Variants in RBM25 observed in about 807,000 individuals in gnomAD.
The protein encoded by RBM25 is RNA binding motif protein 25, also known as RNA-binding protein 25.
A neutral mutation model predicts 120.7 loss-of-function variants in RBM25; 19 were observed. The ratio of observed to expected loss-of-function variants is 0.16; its 90% confidence interval spans 0.11 to 0.23. The LOEUF (loss-of-function observed/expected upper bound fraction) is 0.23. RBM25 is among the 10% of genes least tolerant of loss of function. RBM25 has a pLI of 1.00. For missense variants in RBM25, 605 were observed against 1,041.5 expected (o/e 0.58, Z 5.77); for synonymous variants, 390 against 326.7 (o/e 1.19, Z -2.09).
rs1330686674 is a variant in RBM25, at chr14:73,066,617, C to T, written c.-15-5010C>T. 3.5e-5 allele frequency among the ~76,000 whole-genome samples: 5 copies of T among 142,952 alleles called. No homozygotes were observed. In the Admixed American group the frequency reaches 3.7e-4, roughly 11 times the overall value. 93.8% of individuals were successfully genotyped at this position (142,952 alleles called of 152,430 possible). A position where few individuals can be genotyped will look rare whatever the true frequency, so the allele number is the denominator to read the frequency against. The stretch of plus-strand genomic sequence containing the variant: ...AGTGAGCTGAGATGGTGCCTCTGCA[C>T]TCCTGGGTGACAGAGCAAGACTCCA... On this transcript the variant is annotated intron_variant, in intron 1 of 18. Coordinates refer to ENST00000261973, the MANE Select transcript of RBM25 (RefSeq NM_021239.3).
intron 10 of RBM25, 132 bp downstream of exon 10, chr14:73,103,610 G>C: frequency 7.5e-7 from 1 of 1,334,678 alleles, no homozygotes. Flanking sequence ...CTGTCACTCA[G>C]CCTGGACTGC....
At chr14:73,108,148 C>T (rs1896228931) in intron 13 of RBM25, among the ~76,000 whole-genome samples, 1 of 152,194 alleles carries the variant, frequency 6.6e-6, no homozygotes, top group Non-Finnish European at 1.5e-5. Context: ...TCAAACAATA[C>T]TATTTTTTTC....
chr14:73,081,334 T>TA (rs1895559689), intron 4 of RBM25, among the ~76,000 whole-genome samples: 1 of 152,016 alleles, frequency 6.6e-6, no homozygotes, highest in South Asian at 2.1e-4. Context: ...GATGGGGTTT[T>TA]ACCATGTTGG....
At chr14:73,069,424 G>A (rs1490162935) in intron 1 of RBM25, among the ~76,000 whole-genome samples, 1 of 152,058 alleles carries the variant, frequency 6.6e-6, no homozygotes, top group Non-Finnish European at 1.5e-5. Flanking sequence ...AAACATGAAA[G>A]ACAAAATAGT....
At chr14:73,063,527 A>G (rs1159246901) in intron 1 of RBM25, among the ~76,000 whole-genome samples, 2 of 151,420 alleles carry the variant, frequency 1.3e-5, no homozygotes, top group African/African-American at 2.4e-5. Context: ...AAAAAATGCT[A>G]TGGAAATGAT....
At chr14:73,100,396 T>C (rs1421756385) in intron 9 of RBM25, 1 of 611,288 alleles carries the variant, frequency 1.6e-6, no homozygotes, top group Non-Finnish European at 3.0e-6. Flanking sequence ...ATTATATTTA[T>C]GGATGCCCCC....
chr14:73,089,034 C>G (rs149298659), intron 6 of RBM25, among the ~76,000 whole-genome samples: 2 of 152,114 alleles, frequency 1.3e-5, no homozygotes, highest in East Asian at 3.9e-4. Flanking sequence ...CCCAGCAACT[C>G]AGAGGCTGAG....
intron 4 of RBM25, 61 bp from the exon 5 acceptor site, chr14:73,083,433 G>A: frequency 7.6e-7 from 1 of 1,318,046 alleles, no homozygotes; most frequent in East Asian, 2.8e-5. Context: ...TTTGCTTTTA[G>A]TTACATTAAA....
chr14:73,111,386 AG>A, intron 15 of RBM25, 141 bp from the exon 16 acceptor site: 2 of 1,016,162 alleles, frequency 2.0e-6, no homozygotes, highest in South Asian at 3.4e-5. Flanking sequence ...AGCACTTGTG[AG>A]TAGTGAGTTA....
At position 73,111,024 on chromosome 14, in the gene RBM25, C is replaced by T. The variant is rs756278435; in HGVS notation, c.1886C>T (p.Ala629Val). ...AGCTCTGCTCCATCTGTTTCCTCTG[C>T]CAGTGGCAATGCAACACCTAACACT... ...PISSAPSVSS[A>V]SGNATPNTPG... is the part of the protein sequence containing the mutation. Residue 629 changes from alanine (A) to valine (V), a missense_variant, in exon 15 of 19, where the codon GCC (alanine) becomes GTC (valine). By Grantham distance (64) the Ala-to-Val change is moderately conservative. Coordinates refer to ENST00000261973, the MANE Select transcript of RBM25 (RefSeq NM_021239.3). 5 of 1,614,070 alleles carry T rather than the reference C, an allele frequency of 3.1e-6. No individual in the cohort carries two copies. The African/African-American group carries it at 6.7e-5, about 22-fold the overall frequency.
chr14:73,113,695 A>G (rs1445589766), intron 17 of RBM25, among the ~76,000 whole-genome samples: 3 of 152,058 alleles, frequency 2.0e-5, no homozygotes, highest in Non-Finnish European at 4.4e-5. Flanking sequence ...TCTGTCTCAA[A>G]ATAAAAAAAA....
chr14:73,084,345 A>G (rs553487975), intron 5 of RBM25, among the ~76,000 whole-genome samples: 18 of 152,218 alleles, frequency 1.2e-4, no homozygotes, highest in African/African-American at 4.1e-4. Flanking sequence ...CCAGACTCTT[A>G]ATATTTTAAG....
intron 6 of RBM25, among the ~76,000 whole-genome samples, chr14:73,090,864 A>AAG (rs1895798688): frequency 6.6e-6 from 1 of 152,220 alleles, no homozygotes; most frequent in Non-Finnish European, 1.5e-5. Context: ...CAGTCTTACT[A>AAG]TCCTCACCCT....
rs1316861210 is a variant in RBM25, at chr14:73,087,936, T to G, written c.383-65T>G. Reference sequence around the variant, plus strand: ...CATTTGGACTCTAGTGATTCTACTTTTCCATAATTTTTTTTCTTTTGTAAG... The same window carrying G: ...CATTTGGACTCTAGTGATTCTACTTGTCCATAATTTTTTTTCTTTTGTAAG... On this transcript the variant is annotated intron_variant, in intron 5 of 18. Coordinates refer to ENST00000261973, the MANE Select transcript of RBM25 (RefSeq NM_021239.3). 3 of 1,517,802 alleles carry G rather than the reference T, an allele frequency of 2.0e-6. No homozygotes were observed. The Admixed American group carries it at 6.0e-5, about 31-fold the overall frequency. The allele number at this position is 1,517,802 out of a possible 1,614,324, so 94.0% of individuals were successfully genotyped here. A position where few individuals can be genotyped will look rare whatever the true frequency, so the allele number is the denominator to read the frequency against.
chr14:73,066,253 T>A (rs1895129686), intron 1 of RBM25, among the ~76,000 whole-genome samples: 1 of 152,208 alleles, frequency 6.6e-6, no homozygotes, highest in African/African-American at 2.4e-5. Context: ...TTTACAGTCT[T>A]GCAATCTTGT....
chr14:73,058,710 G>A lies in RBM25; in HGVS notation c.-16+5G>A, dbSNP rs1171831016. ...GTACCGTTTCCTCAGCGGCGGGTGA[G>A]TTTGTGTCTCTGAACGCGTGTGGAA... On this transcript the variant is annotated splice_donor_5th_base_variant and intron_variant, in intron 1 of 18. Transcript: ENST00000261973. 6.6e-6 allele frequency: 1 copy of A among 152,040 alleles called. No homozygotes were observed. The highest frequency in any genetic ancestry group is 1.5e-5 in the Non-Finnish European group (1 of 68,052). 9.4% of individuals were successfully genotyped at this position (152,040 alleles called of 1,614,324 possible).
intron 6 of RBM25, among the ~76,000 whole-genome samples, chr14:73,096,310 C>G (rs1025931796): frequency 1.3e-5 from 2 of 152,094 alleles, no homozygotes; most frequent in African/African-American, 2.4e-5. Flanking sequence ...CAAATACTTA[C>G]TTTGATTCCT....
intron 1 of RBM25, chr14:73,065,027 T>C (rs1290143362): frequency 6.6e-6 from 1 of 150,754 alleles, no homozygotes; most frequent in Admixed American, 6.6e-5. Context: ...CTCGGCTCAC[T>C]GCAACATCTG....
intron 5 of RBM25, among the ~76,000 whole-genome samples, chr14:73,084,092 T>C (rs1272767886): frequency 2.0e-5 from 3 of 151,990 alleles, no homozygotes; most frequent in Non-Finnish European, 4.4e-5. Context: ...GAGACGGGGT[T>C]TCACCATGTT....
Sources: gnomAD v4.1 joint callset for allele counts (sites outside exome capture counted in the v4.1 genomes callset) on GRCh38, gnomAD v4.1.1 for gene constraint, MANE v1.5 for transcripts, NCBI Gene and HGNC (gene_info 2026-07-23, HGNC 2026-07-21) for gene names.